NFE2L2: variants seen among roughly 807,000 people sequenced by gnomAD.
NFE2L2 encodes nuclear factor erythroid 2-related factor 2.
A neutral mutation model predicts 49.6 loss-of-function variants in NFE2L2; 20 were observed. The ratio of observed to expected loss-of-function variants is 0.40; its 90% confidence interval spans 0.28 to 0.59. The LOEUF is 0.59. Ranked by LOEUF, NFE2L2 falls within the 20% of genes least tolerant of loss-of-function variation. The pLI is 0.40. For missense variants in NFE2L2, 578 were observed against 714.2 expected (o/e 0.81, Z 2.17); for synonymous variants, 244 against 256.5 (o/e 0.95, Z 0.47).
rs143029845 is a variant in NFE2L2 at position 177,257,413 on chromosome 2, T to C, written c.45+7119A>G. Among the ~76,000 whole-genome samples the C allele has an allele frequency of 1.2e-4, 19 of 152,336 alleles. 1 individual carries two copies. The East Asian group carries it at 3.7e-3, about 29-fold the overall frequency. ...TCATAACAAAGTTACCCAAATCTTC[T>C]GGAGGGGTTTAATGAGCCCAGGTTA... is the stretch of plus-strand genomic sequence containing the variant. On this transcript the variant is annotated intron_variant, in intron 1 of 4. Coordinates refer to ENST00000397062, the MANE Select transcript of NFE2L2 (RefSeq NM_006164.5).
At chr2:177,239,429 C>T (rs1205098217) in intron 1 of NFE2L2, among the ~76,000 whole-genome samples, 3 of 152,208 alleles carry the variant, frequency 2.0e-5, no homozygotes, top group Non-Finnish European at 4.4e-5. Flanking sequence ...ATAATCTTAG[C>T]ACTTTGGGAG....
intron 1 of NFE2L2, among the ~76,000 whole-genome samples, chr2:177,251,213 T>TA (rs988413271): frequency 2.3e-4 from 35 of 152,286 alleles, no homozygotes; most frequent in African/African-American, 8.2e-4. Context: ...CAAATTTAGT[T>TA]GGGGTAGTTA....
At chr2:177,242,898 TG>T (rs1186057503) in intron 1 of NFE2L2, among the ~76,000 whole-genome samples, 2 of 150,714 alleles carry the variant, frequency 1.3e-5, no homozygotes, top group Admixed American at 6.6e-5. Context: ...AAGGAGGTTT[TG>T]TTTTTTTTTT....
chr2:177,233,670 C>T, intron 2 of NFE2L2: 2 of 503,872 alleles, frequency 4.0e-6, no homozygotes, highest in East Asian at 3.5e-5. Flanking sequence ...GTGCTTGCCA[C>T]ACACAGTAAC....
At chr2:177,243,312 G>A (rs1690004051) in intron 1 of NFE2L2, among the ~76,000 whole-genome samples, 1 of 152,170 alleles carries the variant, frequency 6.6e-6, no homozygotes, top group African/African-American at 2.4e-5. Flanking sequence ...AGGTCAAACA[G>A]CTTTGCTGCC....
intron 1 of NFE2L2, among the ~76,000 whole-genome samples, chr2:177,250,950 C>A (rs1325984638): frequency 6.6e-6 from 1 of 152,172 alleles, no homozygotes; most frequent in East Asian, 1.9e-4. Flanking sequence ...ATCGGACAAC[C>A]CAAGGATGTC....
intron 1 of NFE2L2, among the ~76,000 whole-genome samples, chr2:177,242,176 G>A (rs142620253): frequency 6.6e-6 from 1 of 152,296 alleles, no homozygotes; most frequent in East Asian, 1.9e-4. Flanking sequence ...GTGTAAAGTA[G>A]GTGATTAAAA....
In NFE2L2 at chr2:177,231,890, T is replaced by A. The variant is rs909198253; in HGVS notation, c.713A>T (p.Glu238Val). ...FYSSIPSMEK[E>V]VGNCSPHFLN... Reference sequence around the variant, plus strand: ...AAAATGTGGACTACAGTTACCTACTTCTTTTTCCATTGAGGGTATAGATGA... The same window carrying A: ...AAAATGTGGACTACAGTTACCTACTACTTTTTCCATTGAGGGTATAGATGA... The change falls in exon 5 of 5, where the codon GAA becomes GTA. Residue 238 changes from glutamate to valine, a missense_variant. Physicochemically the swap from Glu to Val is moderately radical, Grantham distance 121. Coordinates refer to ENST00000397062, the MANE Select transcript of NFE2L2 (RefSeq NM_006164.5). 1.9e-6 allele frequency: 3 copies of A among 1,614,208 alleles called. No homozygotes were observed. The highest frequency in any genetic ancestry group is 2.5e-6 in the Non-Finnish European group (3 of 1,180,026).
intron 1 of NFE2L2, chr2:177,263,982 G>A: frequency 5.1e-6 from 5 of 977,268 alleles, no homozygotes; most frequent in Non-Finnish European, 6.1e-6. Flanking sequence ...TGAGCGCGTC[G>A]CAGCCCGCAC....
At position 177,263,537 on chromosome 2, in the gene NFE2L2, T is replaced by C. The variant is rs945200246; in HGVS notation, c.45+995A>G. 9 of 985,390 alleles carry C rather than the reference T, an allele frequency of 9.1e-6. No homozygotes were observed. The African/African-American group carries it at 1.0e-4, about 11-fold the overall frequency. 61.0% of individuals were successfully genotyped at this position (985,390 alleles called of 1,614,324 possible). ...AGATCAACAGCTCCAACCTGTCCCT[T>C]GGCCCTGGCGCGGCGAGGTTTGCAC... On this transcript the variant is annotated intron_variant, in intron 1 of 4. Coordinates refer to ENST00000397062, the MANE Select transcript of NFE2L2 (RefSeq NM_006164.5).
chr2:177,264,540 A>G lies in NFE2L2; in HGVS notation c.37T>C (p.Ser13Pro). 1 of 1,522,572 alleles carries G rather than the reference A, an allele frequency of 6.6e-7. No individual in the cohort carries two copies. Among genetic ancestry groups the G allele is most frequent in the Non-Finnish European group, 8.8e-7 (1 of 1,134,036 alleles). The allele number at this position is 1,522,572 out of a possible 1,614,324, so 94.3% of individuals were successfully genotyped here. A position where few individuals can be genotyped will look rare whatever the true frequency, so the allele number is the denominator to read the frequency against. ...GAGGGCCGAGGCAGCACCTGCTGGGACGGGAGTCCCGGCGGCGGCAGCTCC... is the reference window on the plus strand; with the variant it reads ...GAGGGCCGAGGCAGCACCTGCTGGGGCGGGAGTCCCGGCGGCGGCAGCTCC... ...DLELPPPGLPSQQDMDLIDIL... is the reference protein window; with the variant it reads ...DLELPPPGLPPQQDMDLIDIL... The change falls in exon 1 of 5, where the codon TCC (serine) becomes CCC (proline). Residue 13 changes from serine (S) to proline (P), a missense_variant. Transcript: ENST00000397062.
At chr2:177,247,925 C>CA (rs1467469220) in intron 1 of NFE2L2, among the ~76,000 whole-genome samples, 1 of 152,182 alleles carries the variant, frequency 6.6e-6, no homozygotes, top group Non-Finnish European at 1.5e-5. Flanking sequence ...CAGGCAAAAT[C>CA]AGTAAGCTCA....
At chr2:177,243,032 A>G (rs544287010) in intron 1 of NFE2L2, among the ~76,000 whole-genome samples, 44 of 151,912 alleles carry the variant, frequency 2.9e-4, no homozygotes, top group Admixed American at 1.3e-3. Context: ...ATTAGGATAA[A>G]TTTTTCTAAT....
chr2:177,254,002 C>T (rs948565633), intron 1 of NFE2L2, among the ~76,000 whole-genome samples: 1 of 152,130 alleles, frequency 6.6e-6, no homozygotes, highest in Non-Finnish European at 1.5e-5. Context: ...CTTACTTTCC[C>T]CCCTTTACTC....
intron 1 of NFE2L2, among the ~76,000 whole-genome samples, chr2:177,245,635 A>C (rs887567116): frequency 6.6e-6 from 1 of 151,196 alleles, no homozygotes; most frequent in Non-Finnish European, 1.5e-5. Context: ...TTTGAGACAG[A>C]GTCTCACTCT....
At chr2:177,244,741 A>T (rs1015513548) in intron 1 of NFE2L2, among the ~76,000 whole-genome samples, 41 of 152,046 alleles carry the variant, frequency 2.7e-4, no homozygotes, top group Admixed American at 1.3e-3. Context: ...GTGCGGTGGC[A>T]CACGCCTGTA....
At chr2:177,248,473 G>A (rs1050727791) in intron 1 of NFE2L2, among the ~76,000 whole-genome samples, 1 of 152,036 alleles carries the variant, frequency 6.6e-6, no homozygotes, top group Non-Finnish European at 1.5e-5. Flanking sequence ...GCAATGGCGT[G>A]ATCTCAGCTC....
rs920128393 is a variant in NFE2L2, at chr2:177,242,177, G to T, written c.46-7906C>A. ...TGTTGCTACAGTAAGTGTAAAGTAGGTGATTAAAATACAGAAACACAGAAT... is the reference window on the plus strand; with the variant it reads ...TGTTGCTACAGTAAGTGTAAAGTAGTTGATTAAAATACAGAAACACAGAAT... On this transcript the variant is annotated intron_variant, in intron 1 of 4. Coordinates refer to ENST00000397062, the MANE Select transcript of NFE2L2 (RefSeq NM_006164.5). Among the ~76,000 whole-genome samples, 5 of 152,302 alleles carry T rather than the reference G, an allele frequency of 3.3e-5. No homozygotes were observed. In the East Asian group the frequency reaches 5.8e-4, roughly 18 times the overall value.
At chr2:177,247,727 A>G (rs77635085) in intron 1 of NFE2L2, among the ~76,000 whole-genome samples, 2,322 of 151,344 alleles carry the variant, frequency 0.015, 58 homozygotes, top group African/African-American at 0.053. Context: ...CTTCCACTCC[A>G]GAAGTGTCAG....
Sources: gnomAD v4.1 joint callset for allele counts (sites outside exome capture counted in the v4.1 genomes callset) on GRCh38, gnomAD v4.1.1 for gene constraint, MANE v1.5 for transcripts, NCBI Gene and HGNC (gene_info 2026-07-23, HGNC 2026-07-21) for gene names.